Variants in ADORA2B observed in about 807,000 individuals in gnomAD.
ADORA2B encodes adenosine receptor A2b.
A neutral mutation model predicts 20.8 loss-of-function variants in ADORA2B; 18 were observed. The ratio of observed to expected loss-of-function variants is 0.87; its 90% confidence interval spans 0.60 to 1.29. The LOEUF is 1.29. Among genes scored for constraint, ADORA2B ranks in the 50% most tolerant of loss-of-function variants. The pLI is 0.00. For synonymous variants in ADORA2B, 179 were observed against 178.3 expected, an observed-to-expected ratio of 1.00 and a Z score of -0.03; for missense variants, 441 against 422.7, an observed-to-expected ratio of 1.04 and a Z score of -0.38.
At chr17:15,862,211 C>CTTTT in the ADORA2B span, among the ~76,000 whole-genome samples, 133 of 96,206 alleles carry the variant, frequency 1.4e-3, no homozygotes, top group African/African-American at 4.1e-3. Context: ...CTTTTCTTTT[C>CTTTT]TTTTTTTTTT....
the ADORA2B span, among the ~76,000 whole-genome samples, chr17:15,854,431 A>G: frequency 6.6e-6 from 1 of 152,246 alleles, no homozygotes; most frequent in Non-Finnish European, 1.5e-5. Flanking sequence ...ACCTTTCTTA[A>G]TGAAAAGTCT....
intron 1 of ADORA2B, among the ~76,000 whole-genome samples, chr17:15,946,386 A>T (rs894484477): frequency 2.0e-5 from 3 of 152,192 alleles, no homozygotes; most frequent in Non-Finnish European, 2.9e-5. Context: ...AAAATCTAGG[A>T]TTCAGGGGAT....
At chr17:15,861,185 T>G in the ADORA2B span, among the ~76,000 whole-genome samples, 1 of 152,198 alleles carries the variant, frequency 6.6e-6, no homozygotes, top group African/African-American at 2.4e-5. Flanking sequence ...GTAAGTAGTG[T>G]GCAAGATTAA....
upstream of ADORA2B, among the ~76,000 whole-genome samples, chr17:15,942,353 C>T (rs1969752582): frequency 6.6e-6 from 1 of 152,240 alleles, no homozygotes; most frequent in African/African-American, 2.4e-5. Context: ...CATGCCTGCT[C>T]CCACTTCACC....
the ADORA2B span, among the ~76,000 whole-genome samples, chr17:15,929,559 GCC>G: frequency 6.6e-6 from 1 of 152,184 alleles, no homozygotes; most frequent in Non-Finnish European, 1.5e-5. Context: ...TCAACCTGCT[GCC>G]CACCCGCATT....
chr17:15,867,401 C>T, the ADORA2B span, among the ~76,000 whole-genome samples: 1 of 151,738 alleles, frequency 6.6e-6, no homozygotes, highest in Non-Finnish European at 1.5e-5. Context: ...TCTGCCGCCC[C>T]ATCTGGGATG....
chr17:15,872,130 A>G, the ADORA2B span, among the ~76,000 whole-genome samples: 24 of 152,302 alleles, frequency 1.6e-4, no homozygotes, highest in Admixed American at 1.4e-3. Context: ...GGAGAGGGGA[A>G]TAGAGAGTGG....
At chr17:15,927,783 C>T in the ADORA2B span, among the ~76,000 whole-genome samples, 1,323 of 152,252 alleles carry the variant, frequency 8.7e-3, 20 homozygotes, top group African/African-American at 0.03. Context: ...GAGAGGAATC[C>T]GGGACGCCCC....
At chr17:15,970,922 T>C (rs140292753) in intron 1 of ADORA2B, among the ~76,000 whole-genome samples, 100 of 152,156 alleles carry the variant, frequency 6.6e-4, no homozygotes, top group Non-Finnish European at 1.3e-3. Flanking sequence ...AGGATGGTCA[T>C]GGGGCAGAGC....
chr17:15,879,238 G>A, the ADORA2B span, among the ~76,000 whole-genome samples: 1 of 152,010 alleles, frequency 6.6e-6, no homozygotes, highest in Non-Finnish European at 1.5e-5. Context: ...ATCGCTTGAG[G>A]CCAGGAGTTT....
At chr17:15,909,600 C>T in the ADORA2B span, among the ~76,000 whole-genome samples, 1 of 152,142 alleles carries the variant, frequency 6.6e-6, no homozygotes, top group Non-Finnish European at 1.5e-5. Flanking sequence ...CTTTAACACT[C>T]CCATTCACAC....
At chr17:15,929,902 G>A in the ADORA2B span, among the ~76,000 whole-genome samples, 1 of 152,164 alleles carries the variant, frequency 6.6e-6, no homozygotes, top group African/African-American at 2.4e-5. Flanking sequence ...AATGGGGACA[G>A]AGTTTAAGTT....
At chr17:15,872,450 A>C in the ADORA2B span, among the ~76,000 whole-genome samples, 3 of 152,038 alleles carry the variant, frequency 2.0e-5, no homozygotes, top group Admixed American at 6.6e-5. Flanking sequence ...GTGAAAAATG[A>C]TGGTATTTGG....
At chr17:15,936,879 C>T in the ADORA2B span, among the ~76,000 whole-genome samples, 1 of 152,082 alleles carries the variant, frequency 6.6e-6, no homozygotes, top group Non-Finnish European at 1.5e-5. Flanking sequence ...TCACTGGAGC[C>T]CAGGAGTTCG....
chr17:15,927,918 A>G, the ADORA2B span, among the ~76,000 whole-genome samples: 2 of 152,042 alleles, frequency 1.3e-5, no homozygotes. Context: ...CCCAGAAGAA[A>G]AAAGACCAAG....
At chr17:15,916,549 C>T in the ADORA2B span, among the ~76,000 whole-genome samples, 1 of 152,102 alleles carries the variant, frequency 6.6e-6, no homozygotes, top group Non-Finnish European at 1.5e-5. Context: ...CTGGGGTCTG[C>T]AAGCTCCTGC....
upstream of ADORA2B, among the ~76,000 whole-genome samples, chr17:15,944,574 G>T (rs1277836112): frequency 1.3e-5 from 2 of 152,012 alleles, no homozygotes; most frequent in African/African-American, 4.8e-5. This position sits in a 1 kb window ranked among gnomAD's most constrained non-coding sequence, Gnocchi z 4.8. Flanking sequence ...GCCGGAGGGG[G>T]CTGCAGCCCC....
the ADORA2B span, among the ~76,000 whole-genome samples, chr17:15,932,734 C>A: frequency 6.6e-6 from 1 of 152,074 alleles, no homozygotes; most frequent in African/African-American, 2.4e-5. Flanking sequence ...TCATGGAATC[C>A]CTGTCAAATA....
Position 15,949,132 on chromosome 17 carries a change from C to T in ADORA2B, c.335+3549C>T, listed in dbSNP as rs148491481. ...CTGAGGCAGGAGAATCGCTTGAACC[C>T]GGGAGGCAGAGGTTGCAGTGAGCCA... On this transcript the variant is annotated intron_variant, in intron 1 of 1. Coordinates refer to ENST00000304222, the MANE Select transcript of ADORA2B (RefSeq NM_000676.4). 3.2e-3 allele frequency among the ~76,000 whole-genome samples: 480 copies of T among 150,958 alleles called. 1 individual carries two copies. The highest frequency in any genetic ancestry group is 6.3e-3 in the Non-Finnish European group (424 of 67,798).
Sources: gnomAD v4.1 joint callset for allele counts (sites outside exome capture counted in the v4.1 genomes callset) on GRCh38, gnomAD v4.1.1 for gene constraint, Gnocchi (gnomAD v3.1) non-coding constraint, MANE v1.5 for transcripts, NCBI Gene and HGNC (gene_info 2026-07-23, HGNC 2026-07-21) for gene names.